The following SYT4 variants were observed in gnomAD, a reference collection of about 807,000 sequenced individuals.
The protein encoded by SYT4 is synaptotagmin 4, also known as synaptotagmin-4.
SYT4 carries 7 observed loss-of-function variants against 32.9 expected under a neutral mutation model. The ratio of observed to expected loss-of-function variants is 0.21; its 90% CI spans 0.12 to 0.40. The LOEUF is 0.40. Ranked by LOEUF, SYT4 falls within the 10% of genes least tolerant of loss-of-function variation. SYT4 has a pLI of 1.00. For missense variants in SYT4, 480 were observed against 488.0 expected (o/e 0.98, Z 0.16); for synonymous variants, 205 against 186.2 (o/e 1.10, Z -0.82).
Position 43,274,013 on chromosome 18 carries a change from A to G in SYT4, c.416T>C (p.Leu139Ser), listed in dbSNP as rs1399933616. 3 of 1,613,914 alleles carry G rather than the reference A, an allele frequency of 1.9e-6. No individual in the cohort carries two copies. In the Admixed American group the frequency reaches 5.0e-5, roughly 27 times the overall value. ...TGAAGTAAGGGAAGTGCTGGACTTT[A>G]AACTCTCAGGGGAAACTGACTCTTT... is the stretch of plus-strand genomic sequence containing the variant. Reference protein sequence around the residue: ...GEKESVSPESLKSSTSLTSEE... With the variant: ...GEKESVSPESSKSSTSLTSEE... The change falls in exon 2 of 4, where the codon TTA (leucine) becomes TCA (serine). Residue 139 changes from leucine to serine, a missense_variant. Leu to Ser is a moderately radical substitution (Grantham distance 145). Transcript: ENST00000255224.
chr18:43,268,562 G>A lies in SYT4; in HGVS notation c.*1779C>T, dbSNP rs1426574691. On this transcript the variant is annotated 3_prime_UTR_variant, in exon 4 of 4. Transcript: ENST00000255224. ...TGTTCCACGGCCCATGATACCAAAT[G>A]CACATACATAAAATGGCCATTTGAC... 6.6e-6 allele frequency: 1 copy of A among 152,200 alleles called. No individual in the cohort carries two copies. Among genetic ancestry groups the A allele is most frequent in the East Asian group, 1.9e-4 (1 of 5,158 alleles). The allele number at this position is 152,200 out of a possible 1,614,324, so 9.4% of individuals were successfully genotyped here. A position where few individuals can be genotyped will look rare whatever the true frequency, so the allele number is the denominator to read the frequency against.
Position 43,268,882 on chromosome 18 carries a change from T to C in SYT4, c.*1459A>G, listed in dbSNP as rs2144363002. 1 of 152,700 alleles carries C rather than the reference T, an allele frequency of 6.5e-6. No homozygotes were observed. The highest frequency in any genetic ancestry group is 1.9e-4 in the East Asian group (1 of 5,180). 9.5% of individuals were successfully genotyped at this position (152,700 alleles called of 1,614,324 possible). A position where few individuals can be genotyped will look rare whatever the true frequency, so the allele number is the denominator to read the frequency against. The stretch of plus-strand genomic sequence containing the variant: ...ACAAACACTGTGATATCAAACACAT[T>C]CTCAAAAACTGCTAAAGTACTGACA... On this transcript the variant is annotated 3_prime_UTR_variant, in exon 4 of 4. Coordinates refer to ENST00000255224, the MANE Select transcript of SYT4 (RefSeq NM_020783.4).
At chr18:43,273,555 A>G (rs757099849) in intron 2 of SYT4, 25 bp downstream of exon 2, 32 of 1,510,122 alleles carry the variant, frequency 2.1e-5, no homozygotes, top group Non-Finnish European at 2.8e-5. Flanking sequence ...GTTTATAAAT[A>G]CTTTAAGCAC....
chr18:43,271,643 G>C, intron 3 of SYT4, 69 bp downstream of exon 3: 1 of 1,590,772 alleles, frequency 6.3e-7, no homozygotes, highest in South Asian at 1.1e-5. Context: ...GTAAGAGTAG[G>C]TGGGCTCATT....
At position 43,270,202 on chromosome 18, in the gene SYT4, C is replaced by T; in HGVS notation, c.*139G>A. 2 of 863,218 alleles carry T rather than the reference C, an allele frequency of 2.3e-6. No homozygotes were observed. Among genetic ancestry groups the T allele is most frequent in the Non-Finnish European group, 3.6e-6 (2 of 551,558 alleles). The allele number at this position is 863,218 out of a possible 1,614,324, so 53.5% of individuals were successfully genotyped here. A position where few individuals can be genotyped will look rare whatever the true frequency, so the allele number is the denominator to read the frequency against. ...ACATTTGAAGTTACTTTCTGGTCTA[C>T]TAATTCAATCCATTTCTAGCAACAA... On this transcript the variant is annotated 3_prime_UTR_variant, in exon 4 of 4. Coordinates refer to ENST00000255224, the MANE Select transcript of SYT4 (RefSeq NM_020783.4).
chr18:43,275,502 T>C (rs1229162020), intron 1 of SYT4, among the ~76,000 whole-genome samples: 1 of 152,128 alleles, frequency 6.6e-6, no homozygotes, highest in Non-Finnish European at 1.5e-5. Context: ...TATGCTTTTA[T>C]CCTGAATAGT....
intron 3 of SYT4, 151 bp from the exon 4 acceptor site, chr18:43,270,799 G>T (rs1440664370): frequency 2.6e-6 from 2 of 758,220 alleles, no homozygotes; most frequent in Non-Finnish European, 4.0e-6. Context: ...GATAAAACTT[G>T]GCATTTCTCT....
In SYT4 at chr18:43,271,689, G is replaced by A. The variant is rs2144365613; in HGVS notation, c.970+23C>T. On this transcript the variant is annotated intron_variant, in intron 3 of 3. Coordinates refer to ENST00000255224, the MANE Select transcript of SYT4 (RefSeq NM_020783.4). The stretch of plus-strand genomic sequence containing the variant: ...TACATTCCAATCATACAGTGAATCT[G>A]AATATTTCAGAAGCATTCTTACCTG... 4 of 1,611,192 alleles carry A rather than the reference G, an allele frequency of 2.5e-6. No homozygotes were observed. The East Asian group carries it at 6.7e-5, about 27-fold the overall frequency.
intron 1 of SYT4, among the ~76,000 whole-genome samples, chr18:43,274,716 T>C (rs1908739887): frequency 6.6e-6 from 1 of 152,186 alleles, no homozygotes; most frequent in Non-Finnish European, 1.5e-5. Flanking sequence ...TCAGATAACA[T>C]GAGACAGCTA....
chr18:43,277,006 T>G (rs1266468782), intron 1 of SYT4, among the ~76,000 whole-genome samples: 1 of 152,120 alleles, frequency 6.6e-6, no homozygotes, highest in Non-Finnish European at 1.5e-5. Context: ...ACCTGAAAAT[T>G]TAAGAACTTC....
Position 43,273,985 on chromosome 18 carries a change from T to C in SYT4, c.444A>G (p.Glu148=). The C allele has an allele frequency of 6.2e-7, 1 of 1,613,990 alleles. No homozygotes were observed. The highest frequency in any genetic ancestry group is 8.5e-7 in the Non-Finnish European group (1 of 1,179,938). ...SLKSSTSLTS[E]EKQEKLGTLF... ...GAGTTCCCAGCTTCTCTTGTTTCTC[T>C]TCTGAAGTAAGGGAAGTGCTGGACT... The change falls in exon 2 of 4, where the codon GAA becomes GAG. Residue 148 remains glutamate, a synonymous_variant. Coordinates refer to ENST00000255224, the MANE Select transcript of SYT4 (RefSeq NM_020783.4).
chr18:43,269,872 A>G lies in SYT4; in HGVS notation c.*469T>C, dbSNP rs1908572115. 6.1e-6 allele frequency: 1 copy of G among 163,470 alleles called. No individual in the cohort carries two copies. The highest frequency in any genetic ancestry group is 5.8e-5 in the Admixed American group (1 of 17,232). The allele number at this position is 163,470 out of a possible 1,614,324, so 10.1% of individuals were successfully genotyped here. The stretch of plus-strand genomic sequence containing the variant: ...CATTTGCACATGACAGAATTAATAA[A>G]TACAAACTGGAGGACATTTTTTTAG... On this transcript the variant is annotated 3_prime_UTR_variant, in exon 4 of 4. Coordinates refer to ENST00000255224, the MANE Select transcript of SYT4 (RefSeq NM_020783.4).
rs978828343 is a variant in SYT4, at chr18:43,271,819, C to A, written c.863G>T (p.Arg288Leu). The A allele has an allele frequency of 6.2e-7, 1 of 1,612,008 alleles. No individual in the cohort carries two copies. Residue 288 changes from arginine (R) to leucine (L), a missense_variant, in exon 3 of 4, where the codon CGG becomes CTG. Transcript: ENST00000255224. ...GCAGAGAGAGATCAGTAACTCACCC[C>A]GTCCTGAAGACTTCTGCAGAAAGAG... Reference protein sequence around the residue: ...IKRNVRKSSGRGELLISLCYQ... With the variant: ...IKRNVRKSSGLGELLISLCYQ...
Position 43,270,236 on chromosome 18 carries a change from A to G in SYT4, c.*105T>C. The G allele has an allele frequency of 4.0e-6, 5 of 1,239,400 alleles. No homozygotes were observed. In the South Asian group the frequency reaches 7.3e-5, roughly 18 times the overall value. The allele number at this position is 1,239,400 out of a possible 1,614,324, so 76.8% of individuals were successfully genotyped here. On this transcript the variant is annotated 3_prime_UTR_variant, in exon 4 of 4. Transcript: ENST00000255224. The stretch of plus-strand genomic sequence containing the variant: ...TCCATTTCTAGCAACAACAACAACA[A>G]CAAAAAGGTAGCTTGATTTCCCAAG...
At position 43,270,196 on chromosome 18, in the gene SYT4, G is replaced by A. The variant is rs1233474172; in HGVS notation, c.*145C>T. The A allele has an allele frequency of 1.3e-6, 1 of 799,430 alleles. No individual in the cohort carries two copies. The highest frequency in any genetic ancestry group is 2.0e-6 in the Non-Finnish European group (1 of 495,510). 49.5% of individuals were successfully genotyped at this position (799,430 alleles called of 1,614,324 possible). ...TAATACACATTTGAAGTTACTTTCT[G>A]GTCTACTAATTCAATCCATTTCTAG... is the stretch of plus-strand genomic sequence containing the variant. On this transcript the variant is annotated 3_prime_UTR_variant, in exon 4 of 4. Coordinates refer to ENST00000255224, the MANE Select transcript of SYT4 (RefSeq NM_020783.4).
At position 43,268,858 on chromosome 18, in the gene SYT4, C is replaced by G. The variant is rs928966722; in HGVS notation, c.*1483G>C. On this transcript the variant is annotated 3_prime_UTR_variant, in exon 4 of 4. Transcript: ENST00000255224. The stretch of plus-strand genomic sequence containing the variant: ...GAAAATGCATTTTTCATAGAATTTA[C>G]AAACACTGTGATATCAAACACATTC... 4.6e-5 allele frequency: 7 copies of G among 152,698 alleles called. No homozygotes were observed. The highest frequency in any genetic ancestry group is 1.0e-4 in the Non-Finnish European group (7 of 68,026). 9.5% of individuals were successfully genotyped at this position (152,698 alleles called of 1,614,324 possible). A position where few individuals can be genotyped will look rare whatever the true frequency, so the allele number is the denominator to read the frequency against.
chr18:43,271,945 T>A, intron 2 of SYT4, 113 bp from the exon 3 acceptor site: 4 of 1,182,122 alleles, frequency 3.4e-6, no homozygotes, highest in Non-Finnish European at 4.6e-6. Context: ...CTTATTTTTA[T>A]TTTAATATTC....
rs1433979003 is a variant in SYT4 at position 43,277,009 on chromosome 18, AG to A, written c.34+238del. Among the ~76,000 whole-genome samples, 4 of 152,206 alleles carry A rather than the reference AG, an allele frequency of 2.6e-5. No homozygotes were observed. In the East Asian group the frequency reaches 7.7e-4, roughly 29 times the overall value. ...ATTTACAGAAGTACCTGAAAATTTA[AG>A]AACTTCCTGAAGGTAAATTCTCCCT... On this transcript the variant is annotated intron_variant, in intron 1 of 3. Transcript: ENST00000255224.
At position 43,271,720 on chromosome 18, in the gene SYT4, C is replaced by T. The variant is rs1263119882; in HGVS notation, c.962G>A (p.Gly321Glu). The T allele has an allele frequency of 3.1e-6, 5 of 1,612,884 alleles. No homozygotes were observed. The highest frequency in any genetic ancestry group is 4.2e-6 in the Non-Finnish European group (5 of 1,179,130). The stretch of plus-strand genomic sequence containing the variant: ...TTCAGAAGCATTCTTACCTGAAAGT[C>T]CGGACACATCAGATTTAGGCAGATG... ...ARHLPKSDVS[G>E]LSDPYVKVNL... Residue 321 changes from glycine to glutamate, a missense_variant, in exon 3 of 4, where the codon GGA (glycine) becomes GAA (glutamate). Gly to Glu is a moderately conservative substitution (Grantham distance 98). Coordinates refer to ENST00000255224, the MANE Select transcript of SYT4 (RefSeq NM_020783.4).
Sources: allele counts gnomAD v4.1 joint callset (sites outside exome capture counted in the v4.1 genomes callset), GRCh38; gene constraint gnomAD v4.1.1; transcripts MANE v1.5; gene names NCBI Gene and HGNC (gene_info 2026-07-23, HGNC 2026-07-21).